Variants in STK31 observed in about 807,000 individuals in gnomAD.
The protein encoded by STK31 is serine/threonine kinase 31.
STK31 carries 89 observed loss-of-function variants against 129.7 expected under a neutral mutation model. The observed-to-expected ratio is 0.69, with a 90% CI of 0.58 to 0.82. The LOEUF (loss-of-function observed/expected upper bound fraction) is 0.82. Among genes scored for constraint, STK31 ranks in the 40% least tolerant of loss-of-function variants. STK31 has a pLI of 0.00. For missense variants in STK31, 1,187 were observed against 1,176.4 expected, an observed-to-expected ratio of 1.01 and a Z score of -0.13; for synonymous variants, 448 against 395.3, an observed-to-expected ratio of 1.13 and a Z score of -1.58.
intron 8 of STK31, among the ~76,000 whole-genome samples, chr7:23,752,392 C>T (rs1409107758): frequency 1.3e-5 from 2 of 150,110 alleles, no homozygotes; most frequent in Admixed American, 1.3e-4. Context: ...CTTTGTTGCC[C>T]AGGCTGGAGT....
At chr7:23,727,166 A>G in intron 4 of STK31, 75 bp from the exon 5 acceptor site, 1 of 1,219,478 alleles carries the variant, frequency 8.2e-7, no homozygotes, top group South Asian at 1.3e-5. Context: ...GGAAGAGCTT[A>G]AATGCTAACC....
intron 4 of STK31, among the ~76,000 whole-genome samples, chr7:23,720,923 G>A (rs1364863448): frequency 6.6e-6 from 1 of 152,196 alleles, no homozygotes; most frequent in African/African-American, 2.4e-5. Context: ...TTTTTATAGA[G>A]GAAATGCAAA....
At chr7:23,794,735 G>A (rs565159131) in intron 22 of STK31, among the ~76,000 whole-genome samples, 12 of 152,220 alleles carry the variant, frequency 7.9e-5, no homozygotes, top group South Asian at 6.2e-4. Flanking sequence ...GAATAAACGC[G>A]ACTCTTGATG....
At chr7:23,814,164 T>TTTTTTTTTTTTC (rs1793329403) in intron 22 of STK31, among the ~76,000 whole-genome samples, 1 of 146,920 alleles carries the variant, frequency 6.8e-6, no homozygotes, top group Non-Finnish European at 1.5e-5. Context: ...TTTTTTTTTT[T>TTTTTTTTTTTTC]CAGTTGGGAG....
intron 8 of STK31, among the ~76,000 whole-genome samples, chr7:23,741,996 C>T (rs563722018): frequency 6.6e-6 from 1 of 152,338 alleles, no homozygotes; most frequent in South Asian, 2.1e-4. Flanking sequence ...CCCTGGTGAA[C>T]AGCATGGGCA....
chr7:23,786,798 A>G, intron 19 of STK31, 40 bp from the exon 20 acceptor site: 14 of 1,586,274 alleles, frequency 8.8e-6, no homozygotes, highest in Non-Finnish European at 1.1e-5. Flanking sequence ...ATGTTGAAGA[A>G]GTTTTTACTT....
At chr7:23,830,650 C>A (rs184458910) in intron 23 of STK31, among the ~76,000 whole-genome samples, 15 of 146,114 alleles carry the variant, frequency 1.0e-4, no homozygotes, top group Non-Finnish European at 1.7e-4. Flanking sequence ...CTGGGGGTCT[C>A]ACTCTGTTGC....
At chr7:23,717,304 C>G (rs142348938) in intron 3 of STK31, among the ~76,000 whole-genome samples, 177 bp from the exon 4 acceptor site, 2 of 151,462 alleles carry the variant, frequency 1.3e-5, no homozygotes, top group East Asian at 3.9e-4. Context: ...TTTTCTATGG[C>G]CTAGTCTCAT....
At chr7:23,797,784 A>G (rs1476578056) in intron 22 of STK31, among the ~76,000 whole-genome samples, 1 of 144,442 alleles carries the variant, frequency 6.9e-6, no homozygotes, top group Non-Finnish European at 1.5e-5. Context: ...CAGGAGCTGG[A>G]GACATGAAAA....
intron 23 of STK31, among the ~76,000 whole-genome samples, chr7:23,830,165 A>G (rs1392841018): frequency 6.6e-6 from 1 of 151,634 alleles, no homozygotes; most frequent in African/African-American, 2.4e-5. Flanking sequence ...CTTCTTTTTC[A>G]TTTCTGATTG....
rs563843201 is a variant in STK31, at chr7:23,820,609, T to C, written c.2829+5397T>C. 8.1e-4 allele frequency among the ~76,000 whole-genome samples: 123 copies of C among 152,324 alleles called. 1 individual carries two copies. Among genetic ancestry groups the C allele is most frequent in the African/African-American group, 2.8e-3 (116 of 41,586 alleles). On this transcript the variant is annotated intron_variant, in intron 23 of 23. Transcript: ENST00000355870. ...GTCATCCTACTCTGCTATCAATCAC[T>C]AGTACTTATTTCTTCTGTCAACCTG... is the stretch of plus-strand genomic sequence containing the variant.
At chr7:23,769,592 C>A in intron 12 of STK31, 48 bp from the exon 13 acceptor site, 1 of 1,270,618 alleles carries the variant, frequency 7.9e-7, no homozygotes, top group Non-Finnish European at 1.1e-6. Flanking sequence ...ACGATGAATG[C>A]TGATTGAATT....
chr7:23,718,979 A>G (rs919339842), intron 4 of STK31, among the ~76,000 whole-genome samples: 1 of 152,094 alleles, frequency 6.6e-6, no homozygotes, highest in African/African-American at 2.4e-5. Context: ...TGAGAGTTAT[A>G]GTTCCTCGAT....
intron 8 of STK31, among the ~76,000 whole-genome samples, chr7:23,737,574 T>A (rs1787789988): frequency 1.3e-5 from 2 of 152,220 alleles, no homozygotes; most frequent in South Asian, 4.1e-4. Context: ...AATAATTCCT[T>A]AATATTATTT....
chr7:23,757,253 G>A, intron 10 of STK31, among the ~76,000 whole-genome samples: 1 of 152,210 alleles, frequency 6.6e-6, no homozygotes, highest in African/African-American at 2.4e-5. Context: ...TTCTCGTCAG[G>A]TGGAACGAGA....
At chr7:23,748,406 G>A (rs1788485228) in intron 8 of STK31, among the ~76,000 whole-genome samples, 1 of 152,166 alleles carries the variant, frequency 6.6e-6, no homozygotes, top group South Asian at 2.1e-4. Flanking sequence ...ATCTTGACAG[G>A]AATGTATATT....
chr7:23,734,701 A>C (rs1787615615), intron 6 of STK31, among the ~76,000 whole-genome samples: 1 of 152,160 alleles, frequency 6.6e-6, no homozygotes, highest in Non-Finnish European at 1.5e-5. Flanking sequence ...GAGGTGGCTC[A>C]CCCCTGTAAT....
At chr7:23,799,323 C>T (rs1792217568) in intron 22 of STK31, among the ~76,000 whole-genome samples, 1 of 152,176 alleles carries the variant, frequency 6.6e-6, no homozygotes, top group African/African-American at 2.4e-5. Flanking sequence ...AGGCATCATG[C>T]TACCTGACTT....
intron 1 of STK31, among the ~76,000 whole-genome samples, chr7:23,711,858 A>G (rs1426330612): frequency 1.3e-5 from 2 of 152,242 alleles, no homozygotes; most frequent in Non-Finnish European, 2.9e-5. Flanking sequence ...ATAAGTTTGT[A>G]AAAGTTTGGC....
Sources: allele counts gnomAD v4.1 joint callset (sites outside exome capture counted in the v4.1 genomes callset), GRCh38; gene constraint gnomAD v4.1.1; transcripts MANE v1.5; gene names NCBI Gene and HGNC (gene_info 2026-07-23, HGNC 2026-07-21).